The following ZC2HC1B variants were observed in gnomAD, a reference collection of about 807,000 sequenced individuals.
ZC2HC1B encodes zinc finger C2HC domain-containing protein 1B.
A neutral mutation model predicts 31.0 loss-of-function variants in ZC2HC1B; 36 were observed. The observed-to-expected ratio is 1.16, with a 90% CI of 0.89 to 1.54. The LOEUF (loss-of-function observed/expected upper bound fraction) is 1.54, where lower values mean the gene tolerates loss of function less well. Among genes scored for constraint, ZC2HC1B ranks in the 40% most tolerant of loss-of-function variants. ZC2HC1B has a pLI of 0.00. For missense variants in ZC2HC1B, 260 were observed against 268.6 expected (o/e 0.97, Z 0.22); for synonymous variants, 73 against 88.0 (o/e 0.83, Z 0.95).
At chr6:143,926,144 T>C (rs1184554474) in intron 6 of ZC2HC1B, among the ~76,000 whole-genome samples, 1 of 152,174 alleles carries the variant, frequency 6.6e-6, no homozygotes, top group Non-Finnish European at 1.5e-5. Context: ...ATCTTTATTG[T>C]TTCTTTCCTT....
chr6:143,864,593 A>G, intron 1 of ZC2HC1B, 26 bp downstream of exon 1: 1 of 1,551,372 alleles, frequency 6.4e-7, no homozygotes, highest in African/African-American at 1.4e-5. Flanking sequence ...TATCTAAATT[A>G]TTAGAAAATG....
chr6:143,904,086 A>G (rs1294708105), intron 6 of ZC2HC1B, among the ~76,000 whole-genome samples: 1 of 152,150 alleles, frequency 6.6e-6, no homozygotes, highest in Non-Finnish European at 1.5e-5. Flanking sequence ...ATCTCTAATG[A>G]CTTATGAGGT....
At chr6:143,927,821 CAGT>C (rs1458393833) in intron 6 of ZC2HC1B, among the ~76,000 whole-genome samples, 1 of 152,118 alleles carries the variant, frequency 6.6e-6, no homozygotes, top group African/African-American at 2.4e-5. Flanking sequence ...GACTTTTTAA[CAGT>C]AGCCATTCTG....
intron 1 of ZC2HC1B, among the ~76,000 whole-genome samples, chr6:143,882,334 T>TA (rs1554237238): frequency 0.053 from 4,545 of 85,380 alleles, 136 homozygotes; most frequent in Middle Eastern, 0.089. Flanking sequence ...TTTATATTTT[T>TA]TATATATATA....
At chr6:143,878,554 G>C (rs1057445506) in intron 1 of ZC2HC1B, among the ~76,000 whole-genome samples, 1 of 150,656 alleles carries the variant, frequency 6.6e-6, no homozygotes, top group Admixed American at 6.6e-5. Flanking sequence ...TCAAGGCTGT[G>C]ATTTGCCCTA....
At chr6:143,874,732 G>A (rs561671545) in intron 1 of ZC2HC1B, among the ~76,000 whole-genome samples, 161 of 152,252 alleles carry the variant, frequency 1.1e-3, no homozygotes, top group African/African-American at 3.7e-3. Context: ...ACCTTCCCCT[G>A]GGTCCCTCCC....
intron 1 of ZC2HC1B, among the ~76,000 whole-genome samples, chr6:143,874,703 C>T (rs1365624803): frequency 4.6e-5 from 7 of 152,220 alleles, no homozygotes; most frequent in Non-Finnish European, 8.8e-5. Flanking sequence ...TGGGAAAGAC[C>T]AGCCCCCATG....
chr6:143,888,125 A>T (rs1777552899), intron 4 of ZC2HC1B, among the ~76,000 whole-genome samples: 1 of 152,122 alleles, frequency 6.6e-6, no homozygotes, highest in South Asian at 2.1e-4. Flanking sequence ...GCATGTGGAT[A>T]TCCAGTTATC....
rs1777253841 is a variant in ZC2HC1B at position 143,865,879 on chromosome 6, GATCTC to G, written c.28+1319_28+1323del. On this transcript the variant is annotated intron_variant, in intron 1 of 7. Transcript: ENST00000237275. This position sits in a 1 kb window ranked among gnomAD's most constrained non-coding sequence, Gnocchi z 4.4. Reference sequence around the variant, plus strand: ...CGCCCGAGCTGGAGCGCAGTAGTGCGATCTCATCTCACTGCAACCTCCAACTCCCG... The same window carrying G: ...CGCCCGAGCTGGAGCGCAGTAGTGCGATCTCACTGCAACCTCCAACTCCCG... Among the ~76,000 whole-genome samples the G allele has an allele frequency of 6.6e-6, 1 of 152,102 alleles. No homozygotes were observed. Among genetic ancestry groups the G allele is most frequent in the African/African-American group, 2.4e-5 (1 of 41,398 alleles).
In ZC2HC1B at chr6:143,869,731, G is replaced by T. The variant is rs1245674445; in HGVS notation, c.28+5164G>T. On this transcript the variant is annotated intron_variant, in intron 1 of 7. Transcript: ENST00000237275. The surrounding 1 kb of genome is among the most constrained non-coding windows in gnomAD (Gnocchi z 5.2). ...CCCTGAGAAGTGGTGCCATATCGAG[G>T]TCTCAGTGTTGGTCTCTGCTGCTGG... 6.6e-6 allele frequency among the ~76,000 whole-genome samples: 1 copy of T among 152,210 alleles called. No homozygotes were observed. Among genetic ancestry groups the T allele is most frequent in the Non-Finnish European group, 1.5e-5 (1 of 68,034 alleles).
intron 6 of ZC2HC1B, among the ~76,000 whole-genome samples, chr6:143,919,059 TG>T (rs1290826987): frequency 6.6e-6 from 1 of 152,180 alleles, no homozygotes; most frequent in Non-Finnish European, 1.5e-5. Flanking sequence ...GGTCTTTTTT[TG>T]GGAACAGTTG....
In ZC2HC1B at chr6:143,865,853, G is replaced by T. The variant is rs114270741; in HGVS notation, c.28+1286G>T. Among the ~76,000 whole-genome samples, 2,189 of 152,168 alleles carry T rather than the reference G, an allele frequency of 0.014. 46 individuals are homozygous for T. Among genetic ancestry groups the T allele is most frequent in the African/African-American group, 0.05 (2,092 of 41,504 alleles). The stretch of plus-strand genomic sequence containing the variant: ...TTTTGCCAAGACAGGTCTTGCTCTG[G>T]CGCCCGAGCTGGAGCGCAGTAGTGC... On this transcript the variant is annotated intron_variant, in intron 1 of 7. Coordinates refer to ENST00000237275, the MANE Select transcript of ZC2HC1B (RefSeq NM_001013623.3). The surrounding 1 kb of genome is among the most constrained non-coding windows in gnomAD (Gnocchi z 4.4).
In ZC2HC1B at chr6:143,895,055, A is replaced by T. The variant is rs1341585171; in HGVS notation, c.350-3497A>T. Among the ~76,000 whole-genome samples the T allele has an allele frequency of 2.0e-5, 3 of 152,226 alleles. No individual in the cohort carries two copies. The highest frequency in any genetic ancestry group is 7.2e-5 in the African/African-American group (3 of 41,454). ...TTTATGCAACAAACCAAATGATTAT[A>T]TGCACTCCCAACATTTTCACCACGG... On this transcript the variant is annotated intron_variant, in intron 4 of 7. Transcript: ENST00000237275. This position sits in a 1 kb window ranked among gnomAD's most constrained non-coding sequence, Gnocchi z 4.8.
chr6:143,894,418 G>A lies in ZC2HC1B; in HGVS notation c.350-4134G>A, dbSNP rs187659605. 6.3e-3 allele frequency among the ~76,000 whole-genome samples: 959 copies of A among 152,210 alleles called. 3 individuals carry two copies. Among genetic ancestry groups the A allele is most frequent in the Non-Finnish European group, 8.6e-3 (587 of 67,998 alleles). On this transcript the variant is annotated intron_variant, in intron 4 of 7. Transcript: ENST00000237275. ...TGAGGTGGTTAAAATGGATACATTCGTCAAAACTCATTGAACTGTACATGT... is the reference window on the plus strand; with the variant it reads ...TGAGGTGGTTAAAATGGATACATTCATCAAAACTCATTGAACTGTACATGT...
Position 143,934,922 on chromosome 6 carries a change from C to G in ZC2HC1B, c.599-2727C>G, listed in dbSNP as rs183786623. ...GGTCCAGGCAGACCAATCTTTGGAC[C>G]TCCAGATGGCTTGCTCAGGTGCCAG... is the stretch of plus-strand genomic sequence containing the variant. On this transcript the variant is annotated intron_variant, in intron 6 of 7. Transcript: ENST00000237275. The surrounding 1 kb of genome is among the most constrained non-coding windows in gnomAD (Gnocchi z 4.6). 2.6e-5 allele frequency among the ~76,000 whole-genome samples: 4 copies of G among 152,256 alleles called. No individual in the cohort carries two copies. The highest frequency in any genetic ancestry group is 1.5e-5 in the Non-Finnish European group (1 of 68,020).
intron 6 of ZC2HC1B, among the ~76,000 whole-genome samples, chr6:143,930,181 T>G (rs963152050): frequency 1.3e-5 from 2 of 152,106 alleles, no homozygotes; most frequent in African/African-American, 2.4e-5. Context: ...AACATTATGA[T>G]GTTAATTCAG....
intron 5 of ZC2HC1B, among the ~76,000 whole-genome samples, chr6:143,900,831 T>C (rs530257348): frequency 2.5e-4 from 38 of 152,170 alleles, no homozygotes; most frequent in Non-Finnish European, 5.0e-4. Flanking sequence ...AAATACAGTT[T>C]TATAGATTGT....
rs1777299746 is a variant in ZC2HC1B at position 143,868,630 on chromosome 6, C to T, written c.28+4063C>T. 6.6e-6 allele frequency among the ~76,000 whole-genome samples: 1 copy of T among 152,186 alleles called. No individual in the cohort carries two copies. The highest frequency in any genetic ancestry group is 1.5e-5 in the Non-Finnish European group (1 of 68,040). On this transcript the variant is annotated intron_variant, in intron 1 of 7. Transcript: ENST00000237275. The surrounding 1 kb of genome is among the most constrained non-coding windows in gnomAD (Gnocchi z 4.2). ...CACCCAGGATCAATAACTTTGCATC[C>T]TTCTTTCCAATCAGGTTGACACTCA...
intron 6 of ZC2HC1B, among the ~76,000 whole-genome samples, chr6:143,906,472 C>G (rs181800284): frequency 6.6e-6 from 1 of 151,676 alleles, no homozygotes; most frequent in East Asian, 1.9e-4. Flanking sequence ...GAGAGAGAGC[C>G]TCACTCTGTT....
Sources: allele counts gnomAD v4.1 joint callset (sites outside exome capture counted in the v4.1 genomes callset), GRCh38; gene constraint gnomAD v4.1.1; non-coding constraint Gnocchi (gnomAD v3.1); transcripts MANE v1.5; gene names NCBI Gene and HGNC (gene_info 2026-07-23, HGNC 2026-07-21).